The following CSMD1 variants were observed in gnomAD, a reference collection of about 807,000 sequenced individuals.
CSMD1 encodes CUB and sushi domain-containing protein 1.
A neutral mutation model predicts 417.5 loss-of-function variants in CSMD1; 213 were observed. That is an observed-to-expected ratio of 0.51 (90% CI 0.46 to 0.57). The LOEUF (loss-of-function observed/expected upper bound fraction) is 0.57. Among genes scored for constraint, CSMD1 ranks in the 20% least tolerant of loss-of-function variants. CSMD1 has a pLI of 0.00. For synonymous variants in CSMD1, 2,862 were observed against 1,736.8 expected, an observed-to-expected ratio of 1.65 and a Z score of -16.11; for missense variants, 6,923 against 4,529.7, an observed-to-expected ratio of 1.53 and a Z score of -15.17.
chr8:3,939,943 C>G (rs553602810), intron 5 of CSMD1, among the ~76,000 whole-genome samples: 22 of 152,140 alleles, frequency 1.4e-4, no homozygotes, highest in African/African-American at 5.3e-4. Flanking sequence ...TGCACCGAAT[C>G]TCAGAAATCA....
chr8:4,079,432 G>C (rs1353268018), intron 3 of CSMD1, among the ~76,000 whole-genome samples: 3 of 152,140 alleles, frequency 2.0e-5, no homozygotes, highest in Admixed American at 1.3e-4. Flanking sequence ...ACAGGATATA[G>C]AACACCATCA....
intron 10 of CSMD1, among the ~76,000 whole-genome samples, chr8:3,539,778 AC>A (rs1401196220): frequency 1.3e-5 from 2 of 150,258 alleles, no homozygotes; most frequent in East Asian, 2.0e-4. Context: ...AAAAAAAAAA[AC>A]ACAAGAAAGA....
intron 64 of CSMD1, 68 bp downstream of exon 64, chr8:2,955,521 C>A: frequency 6.6e-7 from 1 of 1,514,064 alleles, no homozygotes; most frequent in South Asian, 1.2e-5. Context: ...TGGACACTAG[C>A]CTGATGGGCA....
At chr8:4,513,093 T>C (rs977183067) in intron 2 of CSMD1, among the ~76,000 whole-genome samples, 5 of 152,154 alleles carry the variant, frequency 3.3e-5, no homozygotes, top group Non-Finnish European at 5.9e-5. Flanking sequence ...TGAACTTTTG[T>C]CCAAACCCAT....
intron 8 of CSMD1, among the ~76,000 whole-genome samples, chr8:3,597,432 G>A (rs1801148004): frequency 1.2e-5 from 1 of 86,084 alleles, no homozygotes; most frequent in Non-Finnish European, 2.1e-5. Flanking sequence ...TACTTTCAAT[G>A]CAAGCCCCAA....
intron 1 of CSMD1, among the ~76,000 whole-genome samples, chr8:4,942,864 T>C (rs1435415420): frequency 6.6e-6 from 1 of 152,242 alleles, no homozygotes. Context: ...TTTATTTGTA[T>C]CCAAAACATT....
chr8:4,959,355 G>A (rs1809328128), intron 1 of CSMD1, among the ~76,000 whole-genome samples: 1 of 152,192 alleles, frequency 6.6e-6, no homozygotes, highest in African/African-American at 2.4e-5. Flanking sequence ...TTCCCCGCAT[G>A]TCAGGTGGCA....
intron 41 of CSMD1, among the ~76,000 whole-genome samples, chr8:3,140,150 C>T (rs1470011830): frequency 6.6e-6 from 1 of 152,076 alleles, no homozygotes; most frequent in Admixed American, 6.5e-5. Context: ...GTGATCAGCC[C>T]GCCTCTGCAT....
intron 1 of CSMD1, among the ~76,000 whole-genome samples, chr8:4,905,020 A>G (rs1805147064): frequency 6.6e-6 from 1 of 152,210 alleles, no homozygotes; most frequent in African/African-American, 2.4e-5. Flanking sequence ...GTAGTGTGAC[A>G]GTAGAAATTA....
At chr8:4,873,973 A>C (rs1170275988) in intron 1 of CSMD1, among the ~76,000 whole-genome samples, 1 of 152,152 alleles carries the variant, frequency 6.6e-6, no homozygotes, top group Admixed American at 6.5e-5. Flanking sequence ...ATAAATATGC[A>C]ATCTCATTCG....
intron 2 of CSMD1, among the ~76,000 whole-genome samples, chr8:4,607,711 C>T (rs1340635573): frequency 1.3e-5 from 2 of 152,118 alleles, no homozygotes; most frequent in African/African-American, 2.4e-5. Context: ...AGTATTCCAC[C>T]CCTTGGTTAA....
chr8:3,170,978 T>G (rs1291258220), intron 37 of CSMD1, among the ~76,000 whole-genome samples: 1 of 152,214 alleles, frequency 6.6e-6, no homozygotes, highest in Non-Finnish European at 1.5e-5. Context: ...TGAAGGATTT[T>G]TAGCCGGATA....
At position 4,171,214 on chromosome 8, in the gene CSMD1, C is replaced by A. The variant is rs1237054548; in HGVS notation, c.416-139115G>T. ...CCATCACAGACCTGTGTGAAACCTA[C>A]CCGCAAAGGTCCAGCTCAACCGTTC... On this transcript the variant is annotated intron_variant, in intron 3 of 69. Coordinates refer to ENST00000635120, the MANE Select transcript of CSMD1 (RefSeq NM_033225.6). 2.0e-4 allele frequency among the ~76,000 whole-genome samples: 31 copies of A among 151,880 alleles called. 1 individual carries two copies. The highest frequency in any genetic ancestry group is 2.5e-4 in the Non-Finnish European group (17 of 68,044).
At chr8:3,982,597 T>C (rs1323832171) in intron 5 of CSMD1, among the ~76,000 whole-genome samples, 1 of 149,474 alleles carries the variant, frequency 6.7e-6, no homozygotes, top group Non-Finnish European at 1.5e-5. Context: ...TCACTACTAT[T>C]ATGAAGTACT....
intron 3 of CSMD1, among the ~76,000 whole-genome samples, chr8:4,037,363 A>G (rs1797675432): frequency 6.6e-6 from 1 of 152,228 alleles, no homozygotes; most frequent in South Asian, 2.1e-4. Flanking sequence ...CACTTGCTGT[A>G]ACAGCAATGG....
intron 3 of CSMD1, among the ~76,000 whole-genome samples, chr8:4,156,913 G>A (rs989078879): frequency 4.6e-5 from 7 of 152,034 alleles, no homozygotes; most frequent in African/African-American, 9.7e-5. Context: ...TTACCTCTCC[G>A]GACATTTGTG....
At chr8:3,499,679 G>A (rs566344064) in intron 10 of CSMD1, among the ~76,000 whole-genome samples, 48 of 152,022 alleles carry the variant, frequency 3.2e-4, no homozygotes, top group East Asian at 1.8e-3. Flanking sequence ...TCTGCTTGAC[G>A]ACTTGTGGTA....
chr8:4,975,453 T>A (rs910139696), intron 1 of CSMD1, among the ~76,000 whole-genome samples: 1 of 152,166 alleles, frequency 6.6e-6, no homozygotes, highest in Non-Finnish European at 1.5e-5. Context: ...TATGTATTCA[T>A]CAATCTGATA....
chr8:3,485,095 A>C (rs369308886), intron 11 of CSMD1, among the ~76,000 whole-genome samples: 4 of 152,260 alleles, frequency 2.6e-5, no homozygotes, highest in Admixed American at 1.3e-4. Flanking sequence ...TCATGTTTAC[A>C]TAACAACCTA....
Sources: gnomAD v4.1 joint callset for allele counts (sites outside exome capture counted in the v4.1 genomes callset) on GRCh38, gnomAD v4.1.1 for gene constraint, MANE v1.5 for transcripts, NCBI Gene and HGNC (gene_info 2026-07-23, HGNC 2026-07-21) for gene names.